ANO3: variants seen among roughly 807,000 people sequenced by gnomAD.
The protein encoded by ANO3 is anoctamin-3.
A neutral mutation model predicts 144.8 loss-of-function variants in ANO3; 99 were observed. The observed-to-expected ratio is 0.68, with a 90% CI of 0.58 to 0.81. ANO3 has a LOEUF of 0.81. Ranked by LOEUF, ANO3 falls within the 30% of genes least tolerant of loss-of-function variation. The probability of loss-of-function intolerance (pLI) is 0.00; values close to 1 mark genes in which losing one functional copy is unlikely to be tolerated. For synonymous variants in ANO3, 414 were observed against 392.6 expected (o/e 1.05, Z -0.64); for missense variants, 905 against 1,202.2 (o/e 0.75, Z 3.66).
At chr11:26,509,608 C>T (rs543147399) in intron 5 of ANO3, among the ~76,000 whole-genome samples, 145 of 152,060 alleles carry the variant, frequency 9.5e-4, no homozygotes, top group African/African-American at 3.0e-3. Flanking sequence ...CTCCTGCGCC[C>T]GGCGCTACTA....
At chr11:26,385,489 T>G (rs576082340) in intron 1 of ANO3, among the ~76,000 whole-genome samples, 11 of 152,304 alleles carry the variant, frequency 7.2e-5, no homozygotes, top group African/African-American at 2.4e-4. Context: ...ATCTTTTTTC[T>G]TGCATTTTCT....
chr11:26,591,964 G>A (rs1851466216), intron 14 of ANO3, among the ~76,000 whole-genome samples: 1 of 152,124 alleles, frequency 6.6e-6, no homozygotes, highest in South Asian at 2.1e-4. Flanking sequence ...ATGTATCTAG[G>A]GATGGGGAAC....
Position 26,332,235 on chromosome 11 carries a change from T to C in ANO3, c.-41T>C. On this transcript the variant is annotated 5_prime_UTR_variant, in exon 1 of 27. Coordinates refer to ENST00000256737, the MANE Select transcript of ANO3 (RefSeq NM_031418.4). ...TGGCTACTGTTCCTCCGCCTCCCTC[T>C]CGGGCAGCTCCCTAAGCCGGCTGGG... 1 of 1,614,022 alleles carries C rather than the reference T, an allele frequency of 6.2e-7. No individual in the cohort carries two copies. Among genetic ancestry groups the C allele is most frequent in the Non-Finnish European group, 8.5e-7 (1 of 1,179,986 alleles).
chr11:26,346,454 T>C lies in ANO3; in HGVS notation c.46+14133T>C, dbSNP rs77866509. On this transcript the variant is annotated intron_variant, in intron 1 of 26. Coordinates refer to ENST00000256737, the MANE Select transcript of ANO3 (RefSeq NM_031418.4). ...CACAATCTCTACTTGTTTTACCATC[T>C]CAAAAAGACTCTCATTGCATGCTAT... Among the ~76,000 whole-genome samples the C allele has an allele frequency of 2.1e-4, 32 of 152,328 alleles. No homozygotes were observed. The East Asian group carries it at 6.0e-3, about 28-fold the overall frequency.
At chr11:26,535,879 G>A (rs184250570) in intron 9 of ANO3, among the ~76,000 whole-genome samples, 231 of 151,658 alleles carry the variant, frequency 1.5e-3, no homozygotes, top group Non-Finnish European at 2.8e-3. Flanking sequence ...CACTGTGCCC[G>A]GCTGATAGCC....
chr11:26,615,643 A>C (rs1852237418), intron 17 of ANO3, among the ~76,000 whole-genome samples: 1 of 152,074 alleles, frequency 6.6e-6, no homozygotes, highest in African/African-American at 2.4e-5. Flanking sequence ...AATAAATGTT[A>C]ACTTTCTCTA....
At chr11:26,538,878 T>C (rs1849575733) in intron 10 of ANO3, among the ~76,000 whole-genome samples, 1 of 152,082 alleles carries the variant, frequency 6.6e-6, no homozygotes, top group Admixed American at 6.6e-5. Flanking sequence ...TGCTGCTACT[T>C]GAGGTAAGAA....
intron 17 of ANO3, among the ~76,000 whole-genome samples, chr11:26,607,029 G>A (rs1340950570): frequency 2.0e-5 from 3 of 152,026 alleles, no homozygotes; most frequent in Non-Finnish European, 4.4e-5. Context: ...TGCTTATGAA[G>A]TATAGTTTGA....
upstream of ANO3, among the ~76,000 whole-genome samples, chr11:26,306,982 T>C (rs1010517198): frequency 2.6e-5 from 4 of 152,140 alleles, no homozygotes; most frequent in Non-Finnish European, 5.9e-5. Context: ...ATATAATCTA[T>C]GGGGCCTTAA....
rs1554920718 is a variant in ANO3, at chr11:26,194,446, G to GTGTGTGTGTGTGTGTGTA, written c.154+5133_154+5134insATGTGTGTGTGTGTGTGT. ...TCTTTGTGGGTACATAGTGGTGTGT[G>GTGTGTGTGTGTGTGTGTA]TGTGTGTGTGTGTGTGTGTGTGTGT... is the stretch of plus-strand genomic sequence containing the variant. On this transcript the variant is annotated intron_variant, in intron 1 of 27. Transcript: ENST00000672621. Among the ~76,000 whole-genome samples, 37 of 116,730 alleles carry GTGTGTGTGTGTGTGTGTA rather than the reference G, an allele frequency of 3.2e-4. No individual in the cohort carries two copies. In the East Asian group the frequency reaches 8.2e-3, roughly 26 times the overall value. 76.6% of individuals were successfully genotyped at this position (116,730 alleles called of 152,430 possible).
chr11:26,335,700 A>ATTATTCAGTCC (rs1219128208), intron 1 of ANO3, among the ~76,000 whole-genome samples: 3 of 152,156 alleles, frequency 2.0e-5, no homozygotes, highest in African/African-American at 7.2e-5. Flanking sequence ...TAATAATAGC[A>ATTATTCAGTCC]TTATTCAGTC....
chr11:26,206,598 C>A (rs750676347), intron 1 of ANO3, among the ~76,000 whole-genome samples: 7 of 152,090 alleles, frequency 4.6e-5, no homozygotes, highest in Admixed American at 3.9e-4. Context: ...TGATACAAAG[C>A]TATTTCAGAA....
At chr11:26,428,539 T>C (rs1857986330) in intron 1 of ANO3, among the ~76,000 whole-genome samples, 1 of 152,224 alleles carries the variant, frequency 6.6e-6, no homozygotes, top group Admixed American at 6.6e-5. Context: ...GGATTTTATA[T>C]CTCATCAAAC....
intron 1 of ANO3, among the ~76,000 whole-genome samples, chr11:26,228,609 T>TGG (rs1051448685): frequency 2.0e-5 from 3 of 151,852 alleles, no homozygotes; most frequent in Admixed American, 6.5e-5. Context: ...GCCGCTGCAT[T>TGG]GAAGGTTTGA....
chr11:26,474,152 T>C, intron 4 of ANO3: 1 of 949,390 alleles, frequency 1.1e-6, no homozygotes, highest in Non-Finnish European at 1.3e-6. Flanking sequence ...TGCATCAATC[T>C]AGGAATTCTA....
At chr11:26,432,451 G>C (rs918405386) in intron 1 of ANO3, among the ~76,000 whole-genome samples, 1 of 152,004 alleles carries the variant, frequency 6.6e-6, no homozygotes, top group African/African-American at 2.4e-5. Flanking sequence ...GATTGCTTTT[G>C]GCATCTTCAT....
At chr11:26,551,102 C>A (rs1849920171) in intron 12 of ANO3, among the ~76,000 whole-genome samples, 1 of 151,932 alleles carries the variant, frequency 6.6e-6, no homozygotes, top group South Asian at 2.1e-4. Flanking sequence ...AAATGTGTAC[C>A]ACAAAGCAAA....
chr11:26,347,339 T>C (rs1855522686), intron 1 of ANO3, among the ~76,000 whole-genome samples: 1 of 152,224 alleles, frequency 6.6e-6, no homozygotes, highest in Non-Finnish European at 1.5e-5. Context: ...CGTTTCTTGA[T>C]TATCAAAACT....
intron 1 of ANO3, among the ~76,000 whole-genome samples, chr11:26,275,639 A>G (rs1158334050): frequency 6.6e-6 from 1 of 152,144 alleles, no homozygotes; most frequent in Admixed American, 6.6e-5. Context: ...ACTGTAGGTC[A>G]GAGGTTAGCT....
Sources: allele counts gnomAD v4.1 joint callset (sites outside exome capture counted in the v4.1 genomes callset), GRCh38; gene constraint gnomAD v4.1.1; transcripts MANE v1.5; gene names NCBI Gene and HGNC (gene_info 2026-07-23, HGNC 2026-07-21).